The following BCAT1 variants were observed in gnomAD, a reference collection of about 807,000 sequenced individuals.
The protein encoded by BCAT1 is branched-chain-amino-acid aminotransferase, cytosolic.
BCAT1 carries 48 observed loss-of-function variants against 52.4 expected under a neutral mutation model. The observed-to-expected ratio is 0.92, with a 90% confidence interval of 0.73 to 1.16. The LOEUF is 1.16. Ranked by LOEUF, BCAT1 falls within the 50% of genes most tolerant of loss-of-function variation. BCAT1 has a pLI of 0.00. For missense variants in BCAT1, 451 were observed against 457.1 expected, an observed-to-expected ratio of 0.99 and a Z score of 0.12; for synonymous variants, 167 against 161.3, an observed-to-expected ratio of 1.04 and a Z score of -0.27.
intron 7 of BCAT1, among the ~76,000 whole-genome samples, chr12:24,838,766 C>A (rs993296827): frequency 6.6e-6 from 1 of 152,168 alleles, no homozygotes; most frequent in Non-Finnish European, 1.5e-5. Context: ...TCCTCTGCAA[C>A]CACAAACATA....
intron 1 of BCAT1, among the ~76,000 whole-genome samples, chr12:24,943,798 C>A (rs755947697): frequency 1.3e-5 from 2 of 151,888 alleles, no homozygotes; most frequent in Admixed American, 6.6e-5. Flanking sequence ...TCCTGGCTAA[C>A]ATGGTGAAAC....
At chr12:24,880,641 T>A (rs1466150225) in intron 4 of BCAT1, among the ~76,000 whole-genome samples, 1 of 152,202 alleles carries the variant, frequency 6.6e-6, no homozygotes, top group Non-Finnish European at 1.5e-5. Flanking sequence ...AGGCAAAATA[T>A]CCGCAAAATA....
At chr12:24,925,530 C>T (rs1405054939) in intron 1 of BCAT1, among the ~76,000 whole-genome samples, 3 of 152,158 alleles carry the variant, frequency 2.0e-5, no homozygotes, top group Non-Finnish European at 4.4e-5. Context: ...CCCTGCCTAA[C>T]ACAATAGGTT....
chr12:24,943,941 A>G (rs776039458), intron 1 of BCAT1, among the ~76,000 whole-genome samples: 43 of 151,496 alleles, frequency 2.8e-4, no homozygotes, highest in Non-Finnish European at 5.2e-4. Flanking sequence ...CCGAGATCGC[A>G]CCACTGTACT....
chr12:24,828,174 G>T (rs550798652), intron 10 of BCAT1, among the ~76,000 whole-genome samples: 1 of 152,302 alleles, frequency 6.6e-6, no homozygotes, highest in African/African-American at 2.4e-5. Context: ...TCACTCAAAT[G>T]ATCAAACTTT....
At chr12:24,860,348 C>T (rs1941820390) in intron 5 of BCAT1, among the ~76,000 whole-genome samples, 1 of 152,122 alleles carries the variant, frequency 6.6e-6, no homozygotes, top group Non-Finnish European at 1.5e-5. Context: ...TGACTTTTTG[C>T]TTAAAATGTT....
chr12:24,886,908 C>T (rs1942677067), intron 3 of BCAT1, among the ~76,000 whole-genome samples: 2 of 145,238 alleles, frequency 1.4e-5, no homozygotes, highest in Admixed American at 1.4e-4. Flanking sequence ...ACTAAAAATA[C>T]AAAAATTAGC....
intron 3 of BCAT1, among the ~76,000 whole-genome samples, chr12:24,892,058 T>C (rs1368422047): frequency 6.7e-6 from 1 of 148,910 alleles, no homozygotes; most frequent in Non-Finnish European, 1.5e-5. Flanking sequence ...CGCCTGGCCG[T>C]TTTTTGTTTT....
chr12:24,896,859 C>T (rs1009412784), intron 2 of BCAT1, among the ~76,000 whole-genome samples: 1 of 152,112 alleles, frequency 6.6e-6, no homozygotes, highest in Non-Finnish European at 1.5e-5. Flanking sequence ...CCAAAGCTAA[C>T]ACAGTGCCTA....
chr12:24,833,841 G>C (rs1246605180), intron 8 of BCAT1: 1 of 108,284 alleles, frequency 9.2e-6, no homozygotes, highest in African/African-American at 3.5e-5. Context: ...TTTTTTTTAA[G>C]ACAGGGTCTT....
At position 24,917,620 on chromosome 12, in the gene BCAT1, G is replaced by GAA. The variant is rs138877844; in HGVS notation, c.7-15737_7-15736dup. Among the ~76,000 whole-genome samples, 23 of 151,334 alleles carry GAA rather than the reference G, an allele frequency of 1.5e-4. No homozygotes were observed. In the East Asian group the frequency reaches 2.1e-3, roughly 14 times the overall value. On this transcript the variant is annotated intron_variant, in intron 1 of 10. Transcript: ENST00000261192. ...CTTCAGGATTTGCAAAAGGCTTTTA[G>GAA]AAAAAAAAATCAGAATAAAGCAATT...
In BCAT1 at chr12:24,832,732, G is replaced by A. The variant is rs1034348005; in HGVS notation, c.1035C>T (p.Tyr345=). Residue 345 remains tyrosine, a synonymous_variant, in exon 9 of 11, where the codon TAC becomes TAT. Coordinates refer to ENST00000261192, the MANE Select transcript of BCAT1 (RefSeq NM_005504.7). ...GAAATACTTGTCGTACCTCGCCTTT[G>A]TACAGTATATCAGAAACTGGGCAAA... is the stretch of plus-strand genomic sequence containing the variant. ...CVVCPVSDIL[Y]KGETIHIPTM... The A allele has an allele frequency of 4.3e-6, 7 of 1,610,326 alleles. No individual in the cohort carries two copies. The highest frequency in any genetic ancestry group is 5.9e-6 in the Non-Finnish European group (7 of 1,178,166).
Position 24,832,828 on chromosome 12 carries a change from C to A in BCAT1, c.939G>T (p.Met313Ile), listed in dbSNP as rs767669322. ...EFKVSERYLT[M>I]DDLTTALEGN... The stretch of plus-strand genomic sequence containing the variant: ...CCTCCAGGGCTGTTGTCAAGTCATC[C>A]ATGGTGAGGTATCTCTCTGACACCT... The change falls in exon 9 of 11, where the codon ATG becomes ATT. Residue 313 changes from methionine to isoleucine, a missense_variant. Physicochemically the swap from Met to Ile is conservative, Grantham distance 10. Transcript: ENST00000261192. The A allele has an allele frequency of 1.1e-5, 18 of 1,612,354 alleles. No homozygotes were observed. The highest frequency in any genetic ancestry group is 2.2e-5 in the East Asian group (1 of 44,838).
chr12:24,851,770 G>GA (rs1941520554), intron 5 of BCAT1, among the ~76,000 whole-genome samples: 1 of 152,146 alleles, frequency 6.6e-6, no homozygotes, highest in African/African-American at 2.4e-5. Context: ...TGTTTGGGAG[G>GA]AAAAACCTAA....
At chr12:24,935,678 G>T (rs10771143) in intron 1 of BCAT1, among the ~76,000 whole-genome samples, 137,508 of 152,184 alleles carry the variant, frequency 0.9, 62,689 homozygotes, top group East Asian at 1. Flanking sequence ...CCTTTTTCTC[G>T]GGCATTTTAC....
chr12:24,829,867 G>A lies in BCAT1; in HGVS notation c.1075C>T (p.Pro359Ser). The change falls in exon 10 of 11, where the codon CCT becomes TCT. Residue 359 changes from proline (P) to serine (S), a missense_variant. Physicochemically the swap from Pro to Ser is moderately conservative, Grantham distance 74 (BLOSUM62 -1). Transcript: ENST00000261192. ...CTCAAGATGCGGCTTGCCAGCTTAG[G>A]ACCATTCTCCATAGTTGGAATGTGT... ...TIHIPTMENG[P>S]KLASRILSKL... is the part of the protein sequence containing the mutation. The A allele has an allele frequency of 6.2e-7, 1 of 1,611,606 alleles. No individual in the cohort carries two copies. The highest frequency in any genetic ancestry group is 8.5e-7 in the Non-Finnish European group (1 of 1,178,650).
chr12:24,854,675 T>C (rs1208321557), intron 5 of BCAT1, among the ~76,000 whole-genome samples: 3 of 152,276 alleles, frequency 2.0e-5, no homozygotes, highest in Non-Finnish European at 2.9e-5. Flanking sequence ...GCTTTTTGGC[T>C]CCAAAATATT....
At chr12:24,834,211 G>A (rs1940824994) in intron 8 of BCAT1, 1 of 978,646 alleles carries the variant, frequency 1.0e-6, no homozygotes, top group African/African-American at 1.8e-5. Flanking sequence ...TGTATATTTG[G>A]ACTTTATTTG....
intron 1 of BCAT1, among the ~76,000 whole-genome samples, chr12:24,946,510 T>C (rs1307487949): frequency 6.6e-6 from 1 of 152,166 alleles, no homozygotes; most frequent in Non-Finnish European, 1.5e-5. Flanking sequence ...TAACATAAAC[T>C]ATATAAACTA....
Sources: gnomAD v4.1 joint callset for allele counts (sites outside exome capture counted in the v4.1 genomes callset) on GRCh38, gnomAD v4.1.1 for gene constraint, MANE v1.5 for transcripts, NCBI Gene and HGNC (gene_info 2026-07-23, HGNC 2026-07-21) for gene names.